Variants in TXLNB observed in about 807,000 individuals in gnomAD.
The protein encoded by TXLNB is beta-taxilin.
TXLNB carries 37 observed loss-of-function variants against 57.4 expected under a neutral mutation model. The observed-to-expected ratio is 0.64, with a 90% CI of 0.50 to 0.85. The LOEUF (loss-of-function observed/expected upper bound fraction) is 0.85. Among genes scored for constraint, TXLNB ranks in the 40% least tolerant of loss-of-function variants. The pLI, the probability that TXLNB is intolerant of heterozygous loss-of-function variation, is 0.00. For missense variants in TXLNB, 848 were observed against 825.6 expected, an observed-to-expected ratio of 1.03 and a Z score of -0.33; for synonymous variants, 302 against 309.6, an observed-to-expected ratio of 0.98 and a Z score of 0.26.
rs935035668 is a variant in TXLNB, at chr6:139,285,626, C to A, written c.424+2850G>T. On this transcript the variant is annotated intron_variant, in intron 2 of 9. Transcript: ENST00000358430. ...TATCCTAGTTGGGTGAAGTATGCTA[C>A]CTGAATGTATTATTTAGGCCTTCTT... 8.3e-5 allele frequency among the ~76,000 whole-genome samples: 12 copies of A among 145,052 alleles called. 1 individual carries two copies. Among genetic ancestry groups the A allele is most frequent in the Non-Finnish European group, 4.6e-5 (3 of 65,242 alleles).
the TXLNB span, among the ~76,000 whole-genome samples, chr6:139,210,816 G>GGCTAA: frequency 6.6e-6 from 1 of 152,218 alleles, no homozygotes; most frequent in Admixed American, 6.5e-5. Flanking sequence ...CTTAGCAAAC[G>GGCTAA]GCACACCAGG....
At chr6:139,212,408 C>T in the TXLNB span, among the ~76,000 whole-genome samples, 4 of 152,182 alleles carry the variant, frequency 2.6e-5, no homozygotes, top group Non-Finnish European at 4.4e-5. Context: ...AAATAAAATA[C>T]TTCACAGACA....
chr6:139,252,056 G>T (rs1309402692), intron 7 of TXLNB, among the ~76,000 whole-genome samples: 2 of 152,196 alleles, frequency 1.3e-5, no homozygotes, highest in Admixed American at 6.5e-5. Flanking sequence ...AGTGACAATT[G>T]TATCCCATTG....
the TXLNB span, among the ~76,000 whole-genome samples, chr6:139,311,858 AG>A: frequency 2.6e-5 from 4 of 152,140 alleles, no homozygotes; most frequent in Admixed American, 2.0e-4. Context: ...ATCCGAGAGC[AG>A]GGGGGCTAGG....
the TXLNB span, among the ~76,000 whole-genome samples, chr6:139,230,187 G>T: frequency 6.6e-6 from 1 of 152,160 alleles, no homozygotes; most frequent in African/African-American, 2.4e-5. Context: ...ATGGGCAAGG[G>T]AGAAGCCAGA....
At chr6:139,320,414 G>A in the TXLNB span, among the ~76,000 whole-genome samples, 276 of 152,286 alleles carry the variant, frequency 1.8e-3, no homozygotes, top group African/African-American at 6.2e-3. Context: ...CTCGTTATGA[G>A]TTGATATTTT....
chr6:139,306,950 G>T, the TXLNB span, among the ~76,000 whole-genome samples: 9 of 152,044 alleles, frequency 5.9e-5, no homozygotes, highest in Non-Finnish European at 1.0e-4. Context: ...CTATAATTCT[G>T]TGCTTATGTA....
chr6:139,221,516 A>G, the TXLNB span, among the ~76,000 whole-genome samples: 1 of 152,166 alleles, frequency 6.6e-6, no homozygotes, highest in African/African-American at 2.4e-5. Context: ...CTGCATTCGA[A>G]CAAAAAATAT....
chr6:139,169,036 G>A, the TXLNB span, among the ~76,000 whole-genome samples: 7 of 152,162 alleles, frequency 4.6e-5, no homozygotes, highest in Non-Finnish European at 5.9e-5. Flanking sequence ...TTCACCATAT[G>A]TGGGTCTTTT....
rs747779645 is a variant in TXLNB, at chr6:139,270,642, T to C, written c.517-16A>G. On this transcript the variant is annotated splice_polypyrimidine_tract_variant and intron_variant, in intron 3 of 9. Transcript: ENST00000358430. ...GTTCATCCAGCTGTACACATGGAGA[T>C]ACAAACATGAAAGAAAATGGCAGGG... is the stretch of plus-strand genomic sequence containing the variant. 3 of 1,611,674 alleles carry C rather than the reference T, an allele frequency of 1.9e-6. No homozygotes were observed. The highest frequency in any genetic ancestry group is 2.2e-5 in the East Asian group (1 of 44,870).
chr6:139,246,914 CA>C (rs368500125), intron 8 of TXLNB, among the ~76,000 whole-genome samples: 2,472 of 111,552 alleles, frequency 0.022, 45 homozygotes, highest in African/African-American at 0.06. Flanking sequence ...AATTCCATCT[CA>C]AAAAAAAAAA....
chr6:139,172,143 A>G, the TXLNB span, among the ~76,000 whole-genome samples: 1 of 151,910 alleles, frequency 6.6e-6, no homozygotes, highest in South Asian at 2.1e-4. Flanking sequence ...AAACTTTTTT[A>G]AGAGATGGGG....
chr6:139,239,917 A>G (rs1035605679), downstream of TXLNB: 4 of 152,124 alleles, frequency 2.6e-5, no homozygotes, highest in African/African-American at 9.7e-5. The surrounding 1 kb of genome is among the most constrained non-coding windows in gnomAD (Gnocchi z 4.7). Flanking sequence ...AGTGTTGACT[A>G]CACGTAATTC....
chr6:139,253,348 C>A (rs1157561538), intron 7 of TXLNB, among the ~76,000 whole-genome samples: 2 of 152,116 alleles, frequency 1.3e-5, no homozygotes, highest in Admixed American at 1.3e-4. Flanking sequence ...AGTTGCTGAG[C>A]AAGAGGTGAA....
At chr6:139,200,556 C>T in the TXLNB span, among the ~76,000 whole-genome samples, 8 of 151,996 alleles carry the variant, frequency 5.3e-5, no homozygotes, top group East Asian at 1.9e-4. Context: ...TGGTGGATGT[C>T]GGGAGATGAG....
intron 7 of TXLNB, among the ~76,000 whole-genome samples, chr6:139,251,944 C>G (rs188990431): frequency 6.6e-6 from 1 of 152,252 alleles, no homozygotes; most frequent in Non-Finnish European, 1.5e-5. Context: ...ACCCACTCAT[C>G]TTTCCCCTTG....
chr6:139,295,539 T>C (rs1777373289), upstream of TXLNB, among the ~76,000 whole-genome samples: 1 of 152,098 alleles, frequency 6.6e-6, no homozygotes, highest in South Asian at 2.1e-4. Context: ...CTTGTGATGC[T>C]TTCTAGAGGT....
the TXLNB span, chr6:139,179,983 C>T: frequency 2.0e-5 from 3 of 152,210 alleles, no homozygotes; most frequent in South Asian, 4.1e-4. Context: ...AGTGAGAGGA[C>T]AATTTCTGAT....
At chr6:139,232,256 C>T in the TXLNB span, among the ~76,000 whole-genome samples, 1 of 152,112 alleles carries the variant, frequency 6.6e-6, no homozygotes, top group African/African-American at 2.4e-5. Context: ...CTGTCAAACA[C>T]TTATAAACAT....
Sources: allele counts gnomAD v4.1 joint callset (sites outside exome capture counted in the v4.1 genomes callset), GRCh38; gene constraint gnomAD v4.1.1; non-coding constraint Gnocchi (gnomAD v3.1); transcripts MANE v1.5; gene names NCBI Gene and HGNC (gene_info 2026-07-23, HGNC 2026-07-21).